The following SCN11A variants were observed in gnomAD, a reference collection of about 807,000 sequenced individuals.
SCN11A encodes the protein sodium voltage-gated channel alpha subunit 11.
In SCN11A, 122 loss-of-function variants were observed where a neutral mutation model predicts 162.2. That is an observed-to-expected ratio of 0.75 (90% CI 0.65 to 0.87). The LOEUF is 0.87. Ranked by LOEUF, SCN11A falls within the 40% of genes least tolerant of loss-of-function variation. SCN11A has a pLI of 0.00. For missense variants in SCN11A, 2,015 were observed against 2,181.6 expected (o/e 0.92, Z 1.52); for synonymous variants, 758 against 751.5 (o/e 1.01, Z -0.14).
At chr3:39,047,044 A>ACCCCCCCCCCCCCCCCCCC (rs2032200925) in intron 1 of SCN11A, among the ~76,000 whole-genome samples, 1 of 8,186 alleles carries the variant, frequency 1.2e-4, no homozygotes, top group Non-Finnish European at 2.3e-4. Context: ...CCCCACCCCC[A>ACCCCCCCCCCCCCCCCCCC]TCCCCCCACC....
At chr3:39,033,130 G>T (rs1344642780) in intron 1 of SCN11A, among the ~76,000 whole-genome samples, 4 of 151,218 alleles carry the variant, frequency 2.6e-5, no homozygotes, top group African/African-American at 9.7e-5. Flanking sequence ...TCCAGCCTGG[G>T]TAACAGAAGG....
At chr3:39,003,060 T>C (rs1246345308) in intron 2 of SCN11A, among the ~76,000 whole-genome samples, 2 of 152,224 alleles carry the variant, frequency 1.3e-5, no homozygotes, top group African/African-American at 2.4e-5. Flanking sequence ...CAGAGGTACC[T>C]GTGAAGGTTT....
chr3:38,990,373 C>G (rs2030413917), intron 2 of SCN11A, among the ~76,000 whole-genome samples: 1 of 152,174 alleles, frequency 6.6e-6, no homozygotes, highest in South Asian at 2.1e-4. Context: ...TCTGCCCACA[C>G]AATGCCTCTA....
intron 2 of SCN11A, among the ~76,000 whole-genome samples, chr3:39,030,522 G>C (rs1176007075): frequency 6.6e-6 from 1 of 152,220 alleles, no homozygotes; most frequent in African/African-American, 2.4e-5. Context: ...TGGTATATTA[G>C]AGTGTCAGAA....
chr3:38,894,585 A>C lies in SCN11A; in HGVS notation c.2783T>G (p.Phe928Cys), dbSNP rs1467112415. ...GCGCTGTGCATTATCTTCACCAGAA[A>C]ATTCAACGTCATCTTCCTCCTCCGC... ...PLAEEEDDVEFSGEDNAQRIT... is the reference protein window; with the variant it reads ...PLAEEEDDVECSGEDNAQRIT... Residue 928 changes from phenylalanine (F) to cysteine (C), a missense_variant, in exon 19 of 30, where the codon TTT becomes TGT. Physicochemically the swap from Phe to Cys is radical, Grantham distance 205. Coordinates refer to ENST00000302328, the MANE Select transcript of SCN11A (RefSeq NM_001349253.2). 6.2e-7 allele frequency: 1 copy of C among 1,613,896 alleles called. No homozygotes were observed. The highest frequency in any genetic ancestry group is 2.2e-5 in the East Asian group (1 of 44,876).
At chr3:38,944,822 G>A (rs2066492378) in intron 7 of SCN11A, among the ~76,000 whole-genome samples, 1 of 151,908 alleles carries the variant, frequency 6.6e-6, no homozygotes, top group African/African-American at 2.4e-5. Flanking sequence ...AATTGGCTGG[G>A]CACGGTGGCA....
At chr3:38,987,299 TCTCTCACACACACACACACACA>T (rs1402572891) in intron 2 of SCN11A, among the ~76,000 whole-genome samples, 9 of 111,700 alleles carry the variant, frequency 8.1e-5, no homozygotes, top group African/African-American at 4.1e-4. Flanking sequence ...TCTCTCTCTC[TCTCTCACACACACACACACACA>T]CACACACACA....
At chr3:38,954,107 A>G (rs1485760757) in intron 3 of SCN11A, among the ~76,000 whole-genome samples, 1 of 152,182 alleles carries the variant, frequency 6.6e-6, no homozygotes, top group Non-Finnish European at 1.5e-5. Flanking sequence ...GTCAGCTGAA[A>G]CTGAATGTAG....
Position 38,929,131 on chromosome 3 carries a change from G to GCGTGCGCGCACACACACA in SCN11A, c.489-2201_489-2200insTGTGTGTGTGCGCGCACG, listed in dbSNP as rs774058202. On this transcript the variant is annotated intron_variant, in intron 7 of 29. Coordinates refer to ENST00000302328, the MANE Select transcript of SCN11A (RefSeq NM_001349253.2). ...ACACTGTCAAAAATACTGGGTCTGTGCACGCACACACACACACACACACAC... is the reference window on the plus strand; with the variant it reads ...ACACTGTCAAAAATACTGGGTCTGTGCGTGCGCGCACACACACACACGCACACACACACACACACACAC... 2.1e-3 allele frequency among the ~76,000 whole-genome samples: 79 copies of GCGTGCGCGCACACACACA among 37,054 alleles called. 1 individual carries two copies. Among genetic ancestry groups the GCGTGCGCGCACACACACA allele is most frequent in the Non-Finnish European group, 5.0e-3 (73 of 14,576 alleles). 24.3% of individuals were successfully genotyped at this position (37,054 alleles called of 152,430 possible). A position where few individuals can be genotyped will look rare whatever the true frequency, so the allele number is the denominator to read the frequency against.
chr3:39,051,898 C>G lies in SCN11A; in HGVS notation c.-441G>C. On this transcript the variant is annotated 5_prime_UTR_variant, in exon 1 of 30. Transcript: ENST00000302328. Reference sequence around the variant, plus strand: ...CTACCGGCCACACAGCAACTAACAGCACCGAGGAAACACAACAGCCTGTTT... The same window carrying G: ...CTACCGGCCACACAGCAACTAACAGGACCGAGGAAACACAACAGCCTGTTT... 1 of 1,151,074 alleles carries G rather than the reference C, an allele frequency of 8.7e-7. No homozygotes were observed. The highest frequency in any genetic ancestry group is 2.0e-5 in the Admixed American group (1 of 50,150). 71.3% of individuals were successfully genotyped at this position (1,151,074 alleles called of 1,614,324 possible).
At chr3:39,034,696 A>G (rs577973916) in intron 1 of SCN11A, among the ~76,000 whole-genome samples, 8 of 152,362 alleles carry the variant, frequency 5.3e-5, no homozygotes, top group African/African-American at 7.2e-5. Flanking sequence ...ATATGATCTT[A>G]CATTGGGAAA....
intron 7 of SCN11A, among the ~76,000 whole-genome samples, chr3:38,938,511 T>TATATATATATACATAC (rs1193451825): frequency 2.0e-4 from 2 of 9,846 alleles, no homozygotes; most frequent in African/African-American, 6.5e-4. Context: ...AAAAATATCA[T>TATATATATATACATAC]ATATATATAT....
intron 11 of SCN11A, among the ~76,000 whole-genome samples, 186 bp downstream of exon 11, chr3:38,919,749 T>G (rs1329178497): frequency 6.6e-6 from 1 of 152,218 alleles, no homozygotes; most frequent in Non-Finnish European, 1.5e-5. Context: ...GGAGGAAAGC[T>G]GCCTTAAACA....
intron 2 of SCN11A, among the ~76,000 whole-genome samples, chr3:38,994,827 G>A (rs560573272): frequency 6.6e-6 from 1 of 152,116 alleles, no homozygotes; most frequent in Non-Finnish European, 1.5e-5. Context: ...ACAGGGCTCT[G>A]GGGGAGAGAC....
intron 2 of SCN11A, among the ~76,000 whole-genome samples, chr3:39,018,693 C>G (rs949276996): frequency 6.6e-6 from 1 of 152,104 alleles, no homozygotes; most frequent in South Asian, 2.1e-4. Flanking sequence ...TGGCGGGCAC[C>G]TGTAGTCCCA....
At chr3:39,018,239 C>T (rs2031347633) in intron 2 of SCN11A, among the ~76,000 whole-genome samples, 1 of 152,200 alleles carries the variant, frequency 6.6e-6, no homozygotes, top group Non-Finnish European at 1.5e-5. Context: ...CACACATGCA[C>T]TGATCAGTAC....
At chr3:39,034,882 CTT>C (rs1373625914) in intron 1 of SCN11A, among the ~76,000 whole-genome samples, 3 of 151,980 alleles carry the variant, frequency 2.0e-5, no homozygotes, top group African/African-American at 4.8e-5. Flanking sequence ...CAAGAATAAA[CTT>C]AATCAAAAAA....
intron 23 of SCN11A, among the ~76,000 whole-genome samples, chr3:38,878,233 G>A (rs113180398): frequency 0.14 from 21,370 of 151,766 alleles, 1,946 homozygotes; most frequent in East Asian, 0.25. Context: ...TTGACAGTGT[G>A]GCTTTGGACA....
At position 38,916,059 on chromosome 3, in the gene SCN11A, C is replaced by T. The variant is rs572461821; in HGVS notation, c.959+3876G>A. Among the ~76,000 whole-genome samples the T allele has an allele frequency of 4.6e-5, 7 of 152,072 alleles. No individual in the cohort carries two copies. The South Asian group carries it at 1.5e-3, about 32-fold the overall frequency. ...TGAACATTTTACCATTATGTAATGC[C>T]CTTCTTTATCTATTTTTTATCTTTG... On this transcript the variant is annotated intron_variant, in intron 11 of 29. Coordinates refer to ENST00000302328, the MANE Select transcript of SCN11A (RefSeq NM_001349253.2).
Sources: gnomAD v4.1 joint callset for allele counts (sites outside exome capture counted in the v4.1 genomes callset) on GRCh38, gnomAD v4.1.1 for gene constraint, MANE v1.5 for transcripts, NCBI Gene and HGNC (gene_info 2026-07-23, HGNC 2026-07-21) for gene names.